PPFIA1: variants seen among roughly 807,000 people sequenced by gnomAD.
The protein encoded by PPFIA1 is PPFI scaffold protein A1, also known as liprin-alpha-1.
A neutral mutation model predicts 149.9 loss-of-function variants in PPFIA1; 25 were observed. The ratio of observed to expected loss-of-function variants is 0.17; its 90% CI spans 0.12 to 0.23. PPFIA1 has a LOEUF of 0.23. Among genes scored for constraint, PPFIA1 ranks in the 10% least tolerant of loss-of-function variants. The probability of loss-of-function intolerance (pLI) is 1.00; values close to 1 mark genes in which losing one functional copy is unlikely to be tolerated. For synonymous variants in PPFIA1, 549 were observed against 552.8 expected, an observed-to-expected ratio of 0.99 and a Z score of 0.10; for missense variants, 1,362 against 1,506.5, an observed-to-expected ratio of 0.90 and a Z score of 1.59.
At chr11:70,295,626 G>A (rs2051909476) in intron 2 of PPFIA1, among the ~76,000 whole-genome samples, 1 of 144,556 alleles carries the variant, frequency 6.9e-6, no homozygotes, top group African/African-American at 2.6e-5. Flanking sequence ...CTTCCCAGTA[G>A]GGGCGGCCGG....
At chr11:70,280,039 C>T (rs574124216) in intron 2 of PPFIA1, among the ~76,000 whole-genome samples, 1 of 151,924 alleles carries the variant, frequency 6.6e-6, no homozygotes, top group East Asian at 1.9e-4. Flanking sequence ...TCCTGAGTAG[C>T]AGGGACTACA....
At chr11:70,333,879 C>T (rs2054817421) in intron 10 of PPFIA1, among the ~76,000 whole-genome samples, 1 of 152,126 alleles carries the variant, frequency 6.6e-6, no homozygotes, top group African/African-American at 2.4e-5. Flanking sequence ...GGCGTGGCCC[C>T]CCTACCCCCT....
intron 21 of PPFIA1, 69 bp downstream of exon 21, chr11:70,362,557 GTT>G: frequency 6.9e-7 from 1 of 1,451,132 alleles, no homozygotes; most frequent in South Asian, 1.4e-5. Flanking sequence ...TCACTGCCCT[GTT>G]TACATTGCTT....
chr11:70,351,318 A>G (rs1339526247), intron 16 of PPFIA1, among the ~76,000 whole-genome samples: 1 of 152,178 alleles, frequency 6.6e-6, no homozygotes, highest in African/African-American at 2.4e-5. Context: ...AAAAATAAGA[A>G]ATTACTAGTG....
chr11:70,314,956 G>A (rs1344379171), intron 2 of PPFIA1, among the ~76,000 whole-genome samples: 2 of 152,108 alleles, frequency 1.3e-5, no homozygotes, highest in Non-Finnish European at 2.9e-5. Flanking sequence ...TTCACTGGGC[G>A]GCAGGACGGA....
intron 21 of PPFIA1, 177 bp from the exon 22 acceptor site, chr11:70,372,038 A>C (rs955173655): frequency 2.1e-6 from 1 of 470,218 alleles, no homozygotes; most frequent in Non-Finnish European, 3.6e-6. Context: ...TGTTGTATAA[A>C]AATTTTACTA....
chr11:70,335,905 ATTGT>A (rs1311586380), intron 11 of PPFIA1, among the ~76,000 whole-genome samples: 1 of 152,194 alleles, frequency 6.6e-6, no homozygotes, highest in African/African-American at 2.4e-5. Flanking sequence ...TGTATGGGAA[ATTGT>A]TTATCATTCT....
At chr11:70,382,585 G>T (rs770185445) in intron 27 of PPFIA1, among the ~76,000 whole-genome samples, 4 of 152,100 alleles carry the variant, frequency 2.6e-5, no homozygotes, top group African/African-American at 4.8e-5. Context: ...CAAGCCCAAA[G>T]TTTTGTGGTT....
intron 16 of PPFIA1, among the ~76,000 whole-genome samples, chr11:70,352,821 G>A (rs547963303): frequency 4.9e-5 from 7 of 143,780 alleles, no homozygotes; most frequent in African/African-American, 1.9e-4. Context: ...TGGAGGTGTC[G>A]GAGGGCGGCG....
At chr11:70,347,039 A>G (rs970789767) in intron 15 of PPFIA1, among the ~76,000 whole-genome samples, 1 of 152,168 alleles carries the variant, frequency 6.6e-6, no homozygotes, top group African/African-American at 2.4e-5. Flanking sequence ...CCATCAGATA[A>G]CGCTCTGGTT....
intron 2 of PPFIA1, among the ~76,000 whole-genome samples, chr11:70,308,424 A>G (rs918413757): frequency 2.0e-5 from 3 of 152,216 alleles, no homozygotes; most frequent in Non-Finnish European, 4.4e-5. Flanking sequence ...TGATTCATTG[A>G]TTTTTTGGCA....
chr11:70,303,149 G>C (rs964248655), intron 2 of PPFIA1, among the ~76,000 whole-genome samples: 1 of 152,068 alleles, frequency 6.6e-6, no homozygotes, highest in Non-Finnish European at 1.5e-5. Flanking sequence ...CTCAGTTGGC[G>C]TACCTTGCAT....
intron 2 of PPFIA1, among the ~76,000 whole-genome samples, chr11:70,311,764 A>T (rs73517131): frequency 0.01 from 1,569 of 151,770 alleles, 34 homozygotes; most frequent in African/African-American, 0.036. Context: ...ACCAAGAGGA[A>T]TAATAACTTA....
chr11:70,297,435 AAG>A, intron 2 of PPFIA1, among the ~76,000 whole-genome samples: 1 of 152,228 alleles, frequency 6.6e-6, no homozygotes. Context: ...AAAATGAAAA[AAG>A]ATGTAAACAA....
At chr11:70,295,998 C>T (rs1281478749) in intron 2 of PPFIA1, among the ~76,000 whole-genome samples, 4 of 149,738 alleles carry the variant, frequency 2.7e-5, no homozygotes, top group Non-Finnish European at 5.9e-5. Flanking sequence ...CCTCACCTCC[C>T]AGACGGGGTC....
chr11:70,331,534 C>G (rs1428236431), intron 8 of PPFIA1, among the ~76,000 whole-genome samples: 1 of 152,148 alleles, frequency 6.6e-6, no homozygotes, highest in Non-Finnish European at 1.5e-5. Context: ...AATCCCACCA[C>G]TTTGGGAGGC....
At chr11:70,313,833 C>T (rs2136572969) in intron 2 of PPFIA1, among the ~76,000 whole-genome samples, 1 of 152,244 alleles carries the variant, frequency 6.6e-6, no homozygotes, top group East Asian at 1.9e-4. Flanking sequence ...TGAGGCCAGC[C>T]TGGACAACAT....
At chr11:70,287,255 G>A (rs190474405) in intron 2 of PPFIA1, among the ~76,000 whole-genome samples, 1 of 152,144 alleles carries the variant, frequency 6.6e-6, no homozygotes, top group Non-Finnish European at 1.5e-5. Context: ...TCACATCCTG[G>A]CCCAGCGCCT....
chr11:70,314,935 C>T (rs1479047048), intron 2 of PPFIA1, among the ~76,000 whole-genome samples: 1 of 152,168 alleles, frequency 6.6e-6, no homozygotes, highest in Non-Finnish European at 1.5e-5. Context: ...AAAGGAGAAG[C>T]AGGCACCTTT....
Sources: allele counts gnomAD v4.1 joint callset (sites outside exome capture counted in the v4.1 genomes callset), GRCh38; gene constraint gnomAD v4.1.1; transcripts MANE v1.5; gene names NCBI Gene and HGNC (gene_info 2026-07-23, HGNC 2026-07-21).